Variants in BOC observed in about 807,000 individuals in gnomAD.
The protein encoded by BOC is brother of CDO.
BOC carries 76 observed loss-of-function variants against 112.0 expected under a neutral mutation model. The observed-to-expected ratio is 0.68, with a 90% CI of 0.56 to 0.82. BOC has a LOEUF of 0.82. Ranked by LOEUF, BOC falls within the 40% of genes least tolerant of loss-of-function variation. The probability of loss-of-function intolerance (pLI) is 0.00; values close to 1 mark genes in which losing one functional copy is unlikely to be tolerated. For synonymous variants in BOC, 580 were observed against 599.8 expected (o/e 0.97, Z 0.48); for missense variants, 1,309 against 1,511.7 (o/e 0.87, Z 2.22).
intron 3 of BOC, 131 bp from the exon 4 acceptor site, chr3:113,250,424 G>A: frequency 9.7e-7 from 1 of 1,029,384 alleles, no homozygotes; most frequent in Non-Finnish European, 1.4e-6. Flanking sequence ...GACAAGAGCA[G>A]TAGAGTCGGA....
At position 113,278,248 on chromosome 3, in the gene BOC, T is replaced by C; in HGVS notation, c.1696T>C (p.Phe566Leu). 1.2e-6 allele frequency: 2 copies of C among 1,614,186 alleles called. No individual in the cohort carries two copies. Among genetic ancestry groups the C allele is most frequent in the Non-Finnish European group, 1.7e-6 (2 of 1,180,020 alleles). The change falls in exon 10 of 20, where the codon TTC becomes CTC. Residue 566 changes from phenylalanine (F) to leucine (L), a missense_variant. Coordinates refer to ENST00000682979, the MANE Select transcript of BOC (RefSeq NM_001378074.1). The surrounding 1 kb of genome is among the most constrained non-coding windows in gnomAD (Gnocchi z 4.2). Reference sequence around the variant, plus strand: ...AGAGGGCCAGACAGCCATGGTCACCTTCCGAACTGGTGAGAGTCAAACATT... The same window carrying C: ...AGAGGGCCAGACAGCCATGGTCACCCTCCGAACTGGTGAGAGTCAAACATT... ...AGEGQTAMVT[F>L]RTGRRPKPEI...
chr3:113,230,174 A>G (rs754816417), intron 2 of BOC, among the ~76,000 whole-genome samples: 7 of 152,178 alleles, frequency 4.6e-5, no homozygotes, highest in Admixed American at 1.3e-4. Flanking sequence ...CCTGGATCCT[A>G]GATTCAAAGC....
At chr3:113,213,819 T>A (rs1029514138) in intron 1 of BOC, among the ~76,000 whole-genome samples, 1 of 152,204 alleles carries the variant, frequency 6.6e-6, no homozygotes, top group Non-Finnish European at 1.5e-5. Context: ...CAAATGAGTT[T>A]ATGCAAAGAG....
intron 2 of BOC, among the ~76,000 whole-genome samples, chr3:113,226,070 T>C (rs1266083270): frequency 6.6e-6 from 1 of 152,242 alleles, no homozygotes; most frequent in African/African-American, 2.4e-5. Flanking sequence ...AGGGGCCATA[T>C]TTTCTGAACC....
chr3:113,244,544 G>A (rs1157148713), intron 2 of BOC, among the ~76,000 whole-genome samples: 1 of 152,176 alleles, frequency 6.6e-6, no homozygotes, highest in East Asian at 1.9e-4. Flanking sequence ...CACTAGCTCT[G>A]TATGGTTATT....
chr3:113,229,166 C>CGGGAA (rs1182935324), intron 2 of BOC, among the ~76,000 whole-genome samples: 1 of 152,144 alleles, frequency 6.6e-6, no homozygotes, highest in Non-Finnish European at 1.5e-5. Flanking sequence ...TCGACTCCTT[C>CGGGAA]GGGAAGGCCA....
intron 2 of BOC, among the ~76,000 whole-genome samples, chr3:113,219,020 G>T (rs1215059201): frequency 6.6e-6 from 1 of 152,242 alleles, no homozygotes; most frequent in South Asian, 2.1e-4. Flanking sequence ...TGGGTGAAAA[G>T]AATTGAACAG....
intron 2 of BOC, among the ~76,000 whole-genome samples, chr3:113,236,475 A>G (rs960489745): frequency 1.4e-5 from 2 of 146,054 alleles, no homozygotes; most frequent in Non-Finnish European, 3.0e-5. Context: ...GTGTACACAT[A>G]GACATAAAGT....
At chr3:113,215,757 A>G (rs1939245276) in intron 1 of BOC, among the ~76,000 whole-genome samples, 1 of 152,218 alleles carries the variant, frequency 6.6e-6, no homozygotes, top group South Asian at 2.1e-4. Flanking sequence ...GTATTACTTC[A>G]GTAGGAGCCA....
chr3:113,277,623 C>T (rs1400445618), intron 9 of BOC, among the ~76,000 whole-genome samples: 1 of 152,242 alleles, frequency 6.6e-6, no homozygotes, highest in Non-Finnish European at 1.5e-5. Context: ...TAGTTCCATG[C>T]ATAGCACAGA....
At chr3:113,226,704 G>A (rs1020492776) in intron 2 of BOC, among the ~76,000 whole-genome samples, 1 of 152,166 alleles carries the variant, frequency 6.6e-6, no homozygotes, top group African/African-American at 2.4e-5. Flanking sequence ...ACTGGCTAGG[G>A]GGTGCTGACC....
In BOC at chr3:113,274,862, G is replaced by A. The variant is rs1948499318; in HGVS notation, c.1542+180G>A. On this transcript the variant is annotated intron_variant, in intron 9 of 19. Coordinates refer to ENST00000682979, the MANE Select transcript of BOC (RefSeq NM_001378074.1). The surrounding 1 kb of genome is among the most constrained non-coding windows in gnomAD (Gnocchi z 4.8). ...CATCCCTGCCACCTCCCAGGAAGCTGGTTGTAAGATGGGTGTGTGGGACCC... is the reference window on the plus strand; with the variant it reads ...CATCCCTGCCACCTCCCAGGAAGCTAGTTGTAAGATGGGTGTGTGGGACCC... 6.6e-6 allele frequency among the ~76,000 whole-genome samples: 1 copy of A among 152,174 alleles called. No homozygotes were observed. The highest frequency in any genetic ancestry group is 2.4e-5 in the African/African-American group (1 of 41,450).
In BOC at chr3:113,274,233, G is replaced by T; in HGVS notation, c.1235-142G>T. On this transcript the variant is annotated intron_variant, in intron 8 of 19. Transcript: ENST00000682979. This position sits in a 1 kb window ranked among gnomAD's most constrained non-coding sequence, Gnocchi z 4.8. Reference sequence around the variant, plus strand: ...GCTGTCTTCCACGGAGCCTGGCTGGGCAGCACAGAGTGGGTGGCGGTACAG... The same window carrying T: ...GCTGTCTTCCACGGAGCCTGGCTGGTCAGCACAGAGTGGGTGGCGGTACAG... 4 of 718,266 alleles carry T rather than the reference G, an allele frequency of 5.6e-6. No homozygotes were observed. Among genetic ancestry groups the T allele is most frequent in the Non-Finnish European group, 8.4e-6 (4 of 477,008 alleles). 44.5% of individuals were successfully genotyped at this position (718,266 alleles called of 1,614,324 possible). A position where few individuals can be genotyped will look rare whatever the true frequency, so the allele number is the denominator to read the frequency against.
chr3:113,220,096 C>T (rs923672886), intron 2 of BOC, among the ~76,000 whole-genome samples: 9 of 152,104 alleles, frequency 5.9e-5, no homozygotes, highest in Non-Finnish European at 2.9e-5. Context: ...GCAGCTTGTA[C>T]AGAAAACACC....
intron 4 of BOC, among the ~76,000 whole-genome samples, chr3:113,259,061 T>G (rs1253304303): frequency 6.6e-6 from 1 of 152,226 alleles, no homozygotes; most frequent in African/African-American, 2.4e-5. Context: ...CTAGTCCTAT[T>G]AGCCCTGGTG....
intron 2 of BOC, among the ~76,000 whole-genome samples, chr3:113,246,618 T>C (rs1944949220): frequency 6.6e-6 from 1 of 152,214 alleles, no homozygotes; most frequent in Non-Finnish European, 1.5e-5. Context: ...ATTTTATGTA[T>C]TTATAATTTT....
At chr3:113,233,001 C>T (rs1252529949) in intron 2 of BOC, among the ~76,000 whole-genome samples, 1 of 152,194 alleles carries the variant, frequency 6.6e-6, no homozygotes, top group Non-Finnish European at 1.5e-5. Context: ...TGTCGCAGTG[C>T]AGCCAGATGC....
intron 4 of BOC, among the ~76,000 whole-genome samples, chr3:113,254,986 C>G (rs938601434): frequency 6.6e-6 from 1 of 152,174 alleles, no homozygotes; most frequent in Admixed American, 6.5e-5. Context: ...CACCTGCACT[C>G]TCTCCCTCCC....
chr3:113,283,437 C>T lies in BOC; in HGVS notation c.2461C>T (p.Arg821Ter), dbSNP rs141096724. Residue 821 changes from arginine (R) to a stop codon, truncating the protein, a stop_gained, in exon 16 of 20, where the codon CGA becomes TGA. Coordinates refer to ENST00000682979, the MANE Select transcript of BOC (RefSeq NM_001378074.1). LOFTEE classifies it high-confidence loss of function. ...KARKSSGQPG[R>*]LPPPTLAPPQ... ...TCGGAAGTCTTCTGGCCAGCCTGGT[C>T]GACTGCCACCCCCAACTCTGGCCCC... 9 of 1,607,940 alleles carry T rather than the reference C, an allele frequency of 5.6e-6. No homozygotes were observed. The highest frequency in any genetic ancestry group is 3.4e-6 in the Non-Finnish European group (4 of 1,175,006).
Sources: allele counts gnomAD v4.1 joint callset (sites outside exome capture counted in the v4.1 genomes callset), GRCh38; gene constraint gnomAD v4.1.1; non-coding constraint Gnocchi (gnomAD v3.1); transcripts MANE v1.5; gene names NCBI Gene and HGNC (gene_info 2026-07-23, HGNC 2026-07-21).